The following NRXN3 variants were observed in gnomAD, a reference collection of about 807,000 sequenced individuals.
The protein encoded by NRXN3 is neurexin III.
Under a neutral mutation model 137.6 loss-of-function variants are expected in NRXN3, and 32 were observed. That is an observed-to-expected ratio of 0.23 (90% CI 0.18 to 0.31). The LOEUF (loss-of-function observed/expected upper bound fraction) is 0.31, where lower values mean the gene tolerates loss of function less well. NRXN3 is among the 10% of genes least tolerant of loss of function. The probability of loss-of-function intolerance (pLI) is 1.00; values close to 1 mark genes in which losing one functional copy is unlikely to be tolerated. For missense variants in NRXN3, 1,574 were observed against 2,062.5 expected, an observed-to-expected ratio of 0.76 and a Z score of 4.59; for synonymous variants, 798 against 784.5, an observed-to-expected ratio of 1.02 and a Z score of -0.29.
intron 16 of NRXN3, among the ~76,000 whole-genome samples, chr14:79,662,794 A>T (rs1042170036): frequency 6.6e-6 from 1 of 151,950 alleles, no homozygotes; most frequent in East Asian, 1.9e-4. Context: ...AAACAACCAG[A>T]TCTCATAAGA....
At chr14:79,376,353 G>C (rs1348624671) in intron 15 of NRXN3, among the ~76,000 whole-genome samples, 1 of 150,164 alleles carries the variant, frequency 6.7e-6, no homozygotes, top group Non-Finnish European at 1.5e-5. Flanking sequence ...TATATCATGT[G>C]AATATCAAAC....
At chr14:78,484,083 C>A (rs1231342090) in intron 4 of NRXN3, among the ~76,000 whole-genome samples, 1 of 150,830 alleles carries the variant, frequency 6.6e-6, no homozygotes, top group African/African-American at 2.4e-5. Context: ...AGATACATTT[C>A]TGTTCTGGAT....
At chr14:78,956,533 G>A (rs1051308685) in intron 10 of NRXN3, among the ~76,000 whole-genome samples, 6 of 152,098 alleles carry the variant, frequency 3.9e-5, no homozygotes, top group African/African-American at 1.2e-4. Context: ...CTTTTGTCCT[G>A]AAAAGTTTCA....
At chr14:79,535,884 G>C (rs2097206496) in intron 16 of NRXN3, among the ~76,000 whole-genome samples, 1 of 152,120 alleles carries the variant, frequency 6.6e-6, no homozygotes, top group African/African-American at 2.4e-5. Context: ...GGCTATCAAA[G>C]ATATATGTGT....
intron 20 of NRXN3, among the ~76,000 whole-genome samples, chr14:79,808,150 G>A (rs2099216116): frequency 6.6e-6 from 1 of 151,172 alleles, no homozygotes; most frequent in Non-Finnish European, 1.5e-5. Context: ...AGGTAGAGAA[G>A]TGCTTGAACC....
chr14:79,136,888 C>T (rs1320193561), intron 15 of NRXN3, among the ~76,000 whole-genome samples: 2 of 152,112 alleles, frequency 1.3e-5, no homozygotes, highest in African/African-American at 4.8e-5. Flanking sequence ...TTCTGAAATG[C>T]CAGGAATTGG....
chr14:79,612,587 G>A (rs1603066717), intron 16 of NRXN3, among the ~76,000 whole-genome samples: 1 of 152,306 alleles, frequency 6.6e-6, no homozygotes, highest in East Asian at 1.9e-4. Flanking sequence ...CATGGCTCAA[G>A]CCTGTAATCA....
chr14:78,624,987 G>A (rs61976102), intron 4 of NRXN3, among the ~76,000 whole-genome samples: 14,559 of 152,060 alleles, frequency 0.096, 973 homozygotes, highest in African/African-American at 0.19. Context: ...GACTACAGGC[G>A]TGTGCCACCA....
chr14:79,135,450 C>T (rs960175794), intron 15 of NRXN3, among the ~76,000 whole-genome samples: 2 of 152,050 alleles, frequency 1.3e-5, no homozygotes, highest in African/African-American at 4.8e-5. Context: ...CCAATATAAA[C>T]CAACAGTGGT....
intron 4 of NRXN3, among the ~76,000 whole-genome samples, chr14:78,305,975 T>C (rs971443633): frequency 1.3e-5 from 2 of 152,230 alleles, no homozygotes; most frequent in African/African-American, 4.8e-5. Flanking sequence ...TTGGCAGTGA[T>C]GTCTTTGAGA....
intron 19 of NRXN3, among the ~76,000 whole-genome samples, chr14:79,773,804 A>AAAAAT (rs2099087713): frequency 6.7e-6 from 1 of 148,508 alleles, no homozygotes; most frequent in South Asian, 2.1e-4. Context: ...AAAAATAAAT[A>AAAAAT]AAAATAAAAA....
At chr14:78,591,541 T>C (rs1035310134) in intron 4 of NRXN3, among the ~76,000 whole-genome samples, 1 of 152,050 alleles carries the variant, frequency 6.6e-6, no homozygotes, top group African/African-American at 2.4e-5. Context: ...TCAATCATAG[T>C]GATAAAGGGA....
intron 16 of NRXN3, among the ~76,000 whole-genome samples, chr14:79,648,745 A>T (rs150513794): frequency 6.6e-6 from 1 of 152,192 alleles, no homozygotes; most frequent in Non-Finnish European, 1.5e-5. Flanking sequence ...GTATGCAATG[A>T]CTACTCAAGT....
intron 15 of NRXN3, among the ~76,000 whole-genome samples, chr14:79,111,866 C>G (rs1010900262): frequency 2.0e-5 from 3 of 151,900 alleles, no homozygotes; most frequent in Non-Finnish European, 2.9e-5. Flanking sequence ...AATGGGTAGC[C>G]ATCAGAATCA....
intron 16 of NRXN3, 150 bp from the exon 17 acceptor site, chr14:79,663,628 G>C (rs1025450801): frequency 2.9e-6 from 2 of 687,044 alleles, no homozygotes; most frequent in African/African-American, 1.8e-5. Context: ...AAAGCTCATG[G>C]AGAAATGTAG....
chr14:79,282,443 T>C (rs141521199), intron 15 of NRXN3, among the ~76,000 whole-genome samples: 1 of 152,212 alleles, frequency 6.6e-6, no homozygotes, highest in East Asian at 1.9e-4. Context: ...TACTAGTAAG[T>C]GATGGAATTT....
chr14:79,174,406 C>G (rs930895127), intron 15 of NRXN3, among the ~76,000 whole-genome samples: 14 of 151,728 alleles, frequency 9.2e-5, no homozygotes, highest in Non-Finnish European at 5.9e-5. Flanking sequence ...AGTGTGGTAA[C>G]TCCTATTGCC....
At chr14:78,657,528 T>C (rs947935089) in intron 6 of NRXN3, among the ~76,000 whole-genome samples, 1 of 152,142 alleles carries the variant, frequency 6.6e-6, no homozygotes, top group African/African-American at 2.4e-5. Flanking sequence ...AGCAGGAGAA[T>C]TGGGAGAATA....
At chr14:79,315,388 C>A (rs763796073) in intron 15 of NRXN3, among the ~76,000 whole-genome samples, 3 of 151,900 alleles carry the variant, frequency 2.0e-5, no homozygotes, top group Non-Finnish European at 2.9e-5. Flanking sequence ...AATGCAGGAC[C>A]AATGCTCCAT....
Sources: allele counts gnomAD v4.1 joint callset (sites outside exome capture counted in the v4.1 genomes callset), GRCh38; gene constraint gnomAD v4.1.1; transcripts MANE v1.5; gene names NCBI Gene and HGNC (gene_info 2026-07-23, HGNC 2026-07-21).